VPS52: variants seen among roughly 807,000 people sequenced by gnomAD.
VPS52 encodes VPS52 subunit of GARP complex, also known as vacuolar protein sorting-associated protein 52 homolog.
A neutral mutation model predicts 98.7 loss-of-function variants in VPS52; 56 were observed. The ratio of observed to expected loss-of-function variants is 0.57; its 90% confidence interval spans 0.46 to 0.71. The LOEUF is 0.71. VPS52 is among the 30% of genes least tolerant of loss of function. The probability of loss-of-function intolerance (pLI) is 0.00; values close to 1 mark genes in which losing one functional copy is unlikely to be tolerated. For synonymous variants in VPS52, 348 were observed against 346.4 expected (o/e 1.00, Z -0.05); for missense variants, 742 against 925.9 (o/e 0.80, Z 2.58).
Position 33,250,548 on chromosome 6 carries a change from G to A in VPS52, c.*293C>T. 2.4e-6 allele frequency: 1 copy of A among 414,342 alleles called. No individual in the cohort carries two copies. Among genetic ancestry groups the A allele is most frequent in the East Asian group, 4.4e-5 (1 of 22,804 alleles). 25.7% of individuals were successfully genotyped at this position (414,342 alleles called of 1,614,324 possible). A position where few individuals can be genotyped will look rare whatever the true frequency, so the allele number is the denominator to read the frequency against. ...TTACAGGGGAAGAAACAAGCCTTGG[G>A]TGTATGGGAGCAGGAAAGGAGGGTG... On this transcript the variant is annotated 3_prime_UTR_variant, in exon 20 of 20. Coordinates refer to ENST00000445902, the MANE Select transcript of VPS52 (RefSeq NM_022553.6).
Position 33,267,089 on chromosome 6 carries a change from CAG to C in VPS52, c.1125+97_1125+98del. On this transcript the variant is annotated intron_variant, in intron 11 of 19. Transcript: ENST00000445902. This position sits in a 1 kb window ranked among gnomAD's most constrained non-coding sequence, Gnocchi z 4.2. ...ACTCCCAAGTCTAAGGGGATTAAGACAGGGCCTGCAGGTTGGGAAGCTCTGCC... is the reference window on the plus strand; with the variant it reads ...ACTCCCAAGTCTAAGGGGATTAAGACGGCCTGCAGGTTGGGAAGCTCTGCC... 1 of 1,415,824 alleles carries C rather than the reference CAG, an allele frequency of 7.1e-7. No individual in the cohort carries two copies. The highest frequency in any genetic ancestry group is 9.3e-7 in the Non-Finnish European group (1 of 1,076,572). The allele number at this position is 1,415,824 out of a possible 1,614,324, so 87.7% of individuals were successfully genotyped here.
intron 12 of VPS52, 57 bp downstream of exon 12, chr6:33,266,500 C>G: frequency 6.6e-7 from 1 of 1,506,164 alleles, no homozygotes; most frequent in South Asian, 1.3e-5. Flanking sequence ...CCCCACTATG[C>G]TGCTGATGAA....
intron 17 of VPS52, among the ~76,000 whole-genome samples, chr6:33,259,967 CTT>C (rs1470636233): frequency 1.3e-5 from 2 of 152,080 alleles, no homozygotes; most frequent in Non-Finnish European, 2.9e-5. Context: ...CCAAGAGAAA[CTT>C]TTGATGAAGA....
chr6:33,261,891 T>C (rs141364913), intron 17 of VPS52, among the ~76,000 whole-genome samples: 3,483 of 151,550 alleles, frequency 0.023, 132 homozygotes, highest in African/African-American at 0.078. Context: ...AAATACAAAA[T>C]TAGCCAGGCA....
chr6:33,251,526 T>C lies in VPS52; in HGVS notation c.2017A>G (p.Ile673Val). 1 of 1,609,100 alleles carries C rather than the reference T, an allele frequency of 6.2e-7. No homozygotes were observed. The highest frequency in any genetic ancestry group is 8.5e-7 in the Non-Finnish European group (1 of 1,175,784). The change falls in exon 19 of 20, where the codon ATC becomes GTC. Residue 673 changes from isoleucine (I) to valine (V), a missense_variant. Physicochemically the swap from Ile to Val is conservative, Grantham distance 29. Transcript: ENST00000445902. ...TGGGACTTGCAGGTCACCTGAATGA[T>C]ACTGGTGCCATTTCTGAAGTTGGTG... ...SFTNFRNGTS[I>V]IQGALTQLIQ...
chr6:33,254,531 G>A (rs182288388), intron 17 of VPS52, among the ~76,000 whole-genome samples: 253 of 152,268 alleles, frequency 1.7e-3, no homozygotes, highest in African/African-American at 5.8e-3. Context: ...GGCACAGGGA[G>A]TAGACTTGCC....
Position 33,268,086 on chromosome 6 carries a change from T to G in VPS52, c.800+22A>C. The G allele has an allele frequency of 6.2e-7, 1 of 1,613,056 alleles. No individual in the cohort carries two copies. The highest frequency in any genetic ancestry group is 8.5e-7 in the Non-Finnish European group (1 of 1,179,984). On this transcript the variant is annotated intron_variant, in intron 8 of 19. Transcript: ENST00000445902. This position sits in a 1 kb window ranked among gnomAD's most constrained non-coding sequence, Gnocchi z 4.0. The stretch of plus-strand genomic sequence containing the variant: ...GCTCAAAAACTCAAAGGCCATCCCA[T>G]GCACTTCCTTGGGGTTGTGACCTGT...
Position 33,268,560 on chromosome 6 carries a change from T to C in VPS52, c.638A>G (p.Glu213Gly). The C allele has an allele frequency of 1.2e-6, 2 of 1,612,708 alleles. No individual in the cohort carries two copies. Among genetic ancestry groups the C allele is most frequent in the Non-Finnish European group, 1.7e-6 (2 of 1,179,982 alleles). The change falls in exon 7 of 20, where the codon GAA (glutamate) becomes GGA (glycine). Residue 213 changes from glutamate to glycine, a missense_variant. By Grantham distance (98) the Glu-to-Gly change is moderately conservative. Transcript: ENST00000445902. The surrounding 1 kb of genome is among the most constrained non-coding windows in gnomAD (Gnocchi z 4.0). Reference sequence around the variant, plus strand: ...TGCGCAGGCTGCTGTGCCTCTAGCTTCCTGCTCTCTGACTGCGGCTGCCTT... The same window carrying C: ...TGCGCAGGCTGCTGTGCCTCTAGCTCCCTGCTCTCTGACTGCGGCTGCCTT... The part of the protein sequence containing the change: ...DAKAAAVREQ[E>G]ARGTAACADV...
chr6:33,259,983 T>C (rs1355186564), intron 17 of VPS52, among the ~76,000 whole-genome samples: 1 of 152,156 alleles, frequency 6.6e-6, no homozygotes, highest in African/African-American at 2.4e-5. Flanking sequence ...ATGAAGATAA[T>C]CAATATCTAT....
Position 33,271,814 on chromosome 6 carries a change from C to A in VPS52, c.-139G>T, listed in dbSNP as rs1581638017. The A allele has an allele frequency of 6.9e-7, 1 of 1,444,744 alleles. No homozygotes were observed. 89.5% of individuals were successfully genotyped at this position (1,444,744 alleles called of 1,614,324 possible). A position where few individuals can be genotyped will look rare whatever the true frequency, so the allele number is the denominator to read the frequency against. On this transcript the variant is annotated 5_prime_UTR_variant, in exon 1 of 20. Transcript: ENST00000445902. ...TTAAGTTGTTTGACTCCAGCTGTCCCCTTTCAGCTCTAACCACTTCACCCA... is the reference window on the plus strand; with the variant it reads ...TTAAGTTGTTTGACTCCAGCTGTCCACTTTCAGCTCTAACCACTTCACCCA...
At position 33,250,870 on chromosome 6, in the gene VPS52, C is replaced by T. The variant is rs1197209297; in HGVS notation, c.2143G>A (p.Glu715Lys). ...ELINIHHLMV[E>K]LKKHKPNF The stretch of plus-strand genomic sequence containing the variant: ...AAGTTGGGCTTATGCTTCTTGAGCT[C>T]CACCATAAGGTGGTGAATGTTGATG... Residue 715 changes from glutamate to lysine, a missense_variant, in exon 20 of 20, where the codon GAG becomes AAG. This residue lies in a region of VPS52 where 590 missense variants were observed against 793.3 expected (regional missense o/e 0.74). Transcript: ENST00000445902. The T allele has an allele frequency of 1.2e-6, 2 of 1,612,576 alleles. No homozygotes were observed. Among genetic ancestry groups the T allele is most frequent in the Non-Finnish European group, 1.7e-6 (2 of 1,179,846 alleles).
chr6:33,269,909 C>T, intron 3 of VPS52, 90 bp from the exon 4 acceptor site: 1 of 1,599,790 alleles, frequency 6.3e-7, no homozygotes, highest in Non-Finnish European at 8.6e-7. Flanking sequence ...GGTCAGATAC[C>T]AGGCTGATAC....
At chr6:33,258,937 G>A (rs552752042) in intron 17 of VPS52, among the ~76,000 whole-genome samples, 3 of 152,282 alleles carry the variant, frequency 2.0e-5, no homozygotes, top group African/African-American at 7.2e-5. Flanking sequence ...TATAGTTGTG[G>A]TGACGCTCCT....
chr6:33,262,353 C>G (rs186332378), intron 17 of VPS52, among the ~76,000 whole-genome samples: 149 of 152,168 alleles, frequency 9.8e-4, no homozygotes, highest in Admixed American at 2.6e-3. Context: ...TGGCTTTTAT[C>G]CAAAAGACAG....
In VPS52 at chr6:33,250,928, C is replaced by T. The variant is rs907795330; in HGVS notation, c.2085G>A (p.Pro695=). ...YHRFHRVLSQ[P]QLRALPARAE... is the part of the protein sequence containing the mutation. ...CCCGGGCAGGGAGGGCTCGGAGCTG[C>T]GGCTGGGACAGCACCCGGTGGAAGC... Residue 695 remains proline, a synonymous_variant, in exon 20 of 20, where the codon CCG becomes CCA. Transcript: ENST00000445902. 21 of 1,612,918 alleles carry T rather than the reference C, an allele frequency of 1.3e-5. No homozygotes were observed. Among genetic ancestry groups the T allele is most frequent in the Non-Finnish European group, 1.6e-5 (19 of 1,180,038 alleles).
chr6:33,264,115 TG>T lies in VPS52; in HGVS notation c.1525-13del. Reference sequence around the variant, plus strand: ...TAGCGGCGTGTGATCTAGGAGAGAGTGGGAAGGAAAATCACACCCACCTCCT... The same window carrying T: ...TAGCGGCGTGTGATCTAGGAGAGAGTGGAAGGAAAATCACACCCACCTCCT... On this transcript the variant is annotated splice_polypyrimidine_tract_variant and intron_variant, in intron 14 of 19. Transcript: ENST00000445902. The T allele has an allele frequency of 6.2e-7, 1 of 1,612,478 alleles. No individual in the cohort carries two copies. Among genetic ancestry groups the T allele is most frequent in the Non-Finnish European group, 8.5e-7 (1 of 1,179,384 alleles).
At chr6:33,262,038 C>A in intron 17 of VPS52, among the ~76,000 whole-genome samples, 1 of 26,284 alleles carries the variant, frequency 3.8e-5, no homozygotes, top group South Asian at 1.5e-3. Flanking sequence ...AAAACTCCAT[C>A]TCAAAAAAAA....
chr6:33,268,518 A>C lies in VPS52; in HGVS notation c.680T>G (p.Leu227Arg), dbSNP rs1226791974. The change falls in exon 7 of 20, where the codon CTC becomes CGC. Residue 227 changes from leucine to arginine, a missense_variant. By Grantham distance (102) the Leu-to-Arg change is moderately radical. Coordinates refer to ENST00000445902, the MANE Select transcript of VPS52 (RefSeq NM_022553.6). The surrounding 1 kb of genome is among the most constrained non-coding windows in gnomAD (Gnocchi z 4.0). The part of the protein sequence containing the change: ...TAACADVRGV[L>R]DRLRVKAVTK... ...TCCCACCTTGACCCGGAGCCGATCG[A>C]GCACGCCTCTGACATCTGCGCAGGC... 5 of 1,606,724 alleles carry C rather than the reference A, an allele frequency of 3.1e-6. No individual in the cohort carries two copies. The highest frequency in any genetic ancestry group is 4.3e-6 in the Non-Finnish European group (5 of 1,175,798).
intron 17 of VPS52, among the ~76,000 whole-genome samples, chr6:33,253,075 A>T (rs1762491956): frequency 6.6e-6 from 1 of 152,260 alleles, no homozygotes; most frequent in Non-Finnish European, 1.5e-5. Context: ...TCTAGATGAC[A>T]AATGACTCAA....
Sources: gnomAD v4.1 joint callset for allele counts (sites outside exome capture counted in the v4.1 genomes callset) on GRCh38, gnomAD v4.1.1 for gene constraint, gnomAD v4.1.1 regional missense constraint, Gnocchi (gnomAD v3.1) non-coding constraint, MANE v1.5 for transcripts, NCBI Gene and HGNC (gene_info 2026-07-23, HGNC 2026-07-21) for gene names.